Variants in RASAL2 observed in about 807,000 individuals in gnomAD.
The protein encoded by RASAL2 is RAS protein activator like 2, also known as ras GTPase-activating protein nGAP.
In RASAL2, 58 loss-of-function variants were observed where a neutral mutation model predicts 128.9. That is an observed-to-expected ratio of 0.45 (90% CI 0.36 to 0.56). The LOEUF (loss-of-function observed/expected upper bound fraction) is 0.56. RASAL2 is among the 20% of genes least tolerant of loss of function. The pLI, the probability that RASAL2 is intolerant of heterozygous loss-of-function variation, is 0.00. For missense variants in RASAL2, 1,360 were observed against 1,601.6 expected, an observed-to-expected ratio of 0.85 and a Z score of 2.57; for synonymous variants, 561 against 580.8, an observed-to-expected ratio of 0.97 and a Z score of 0.49.
chr1:178,189,966 G>A (rs1662432678), intron 1 of RASAL2, among the ~76,000 whole-genome samples: 1 of 152,060 alleles, frequency 6.6e-6, no homozygotes, highest in African/African-American at 2.4e-5. Context: ...TTCTCAACTG[G>A]GGGCATGCTG....
At chr1:178,290,297 A>G (rs966393316) in intron 2 of RASAL2, among the ~76,000 whole-genome samples, 2 of 152,202 alleles carry the variant, frequency 1.3e-5, no homozygotes, top group African/African-American at 4.8e-5. Flanking sequence ...CTGAATGTCT[A>G]TTTCCTTAAT....
At chr1:178,173,247 C>T (rs1371729989) in intron 1 of RASAL2, among the ~76,000 whole-genome samples, 1 of 152,030 alleles carries the variant, frequency 6.6e-6, no homozygotes, top group African/African-American at 2.4e-5. Flanking sequence ...CTATTTTGAA[C>T]CACTGCCCTG....
chr1:178,113,048 A>G (rs1558060090), intron 1 of RASAL2, among the ~76,000 whole-genome samples: 1 of 152,310 alleles, frequency 6.6e-6, no homozygotes, highest in East Asian at 1.9e-4. Context: ...GTGGTAAAGA[A>G]TAAGAATTGA....
At chr1:178,408,968 GAAGA>G (rs779290419) in intron 4 of RASAL2, among the ~76,000 whole-genome samples, 4 of 152,182 alleles carry the variant, frequency 2.6e-5, no homozygotes, top group Non-Finnish European at 4.4e-5. Flanking sequence ...GGTAATTTAT[GAAGA>G]GAGAGGTTTG....
At chr1:178,199,789 C>T (rs316272) in intron 1 of RASAL2, among the ~76,000 whole-genome samples, 152,153 of 152,304 alleles carry the variant, frequency 1, 76,001 homozygotes, top group Middle Eastern at 1. Context: ...CAGGTCTATC[C>T]GTGAGGGTGT....
intron 3 of RASAL2, among the ~76,000 whole-genome samples, chr1:178,310,985 T>C (rs1668218528): frequency 6.6e-6 from 1 of 152,126 alleles, no homozygotes; most frequent in African/African-American, 2.4e-5. Context: ...CAAAATGTGA[T>C]ACCCACACTA....
intron 1 of RASAL2, among the ~76,000 whole-genome samples, chr1:178,239,855 G>A (rs1014147490): frequency 4.6e-5 from 7 of 151,962 alleles, no homozygotes; most frequent in Non-Finnish European, 1.0e-4. Context: ...GGTTCTTAAA[G>A]CTTGAGCTGG....
rs1190181885 is a variant in RASAL2, at chr1:178,319,163, G to A, written c.457+19045G>A. On this transcript the variant is annotated intron_variant, in intron 3 of 17. Coordinates refer to ENST00000367649, the MANE Select transcript of RASAL2 (RefSeq NM_170692.4). The stretch of plus-strand genomic sequence containing the variant: ...TTGTAGGATTTCTGCCGAGAGATCC[G>A]CTGTTAGTCTGATGGGCTTCCCTTT... 2.5e-4 allele frequency among the ~76,000 whole-genome samples: 38 copies of A among 152,238 alleles called. 1 individual carries two copies. The highest frequency in any genetic ancestry group is 2.2e-4 in the Non-Finnish European group (15 of 68,020).
At chr1:178,360,054 A>C (rs1671026337) in intron 3 of RASAL2, among the ~76,000 whole-genome samples, 1 of 152,184 alleles carries the variant, frequency 6.6e-6, no homozygotes, top group African/African-American at 2.4e-5. Flanking sequence ...CACTGCTAGA[A>C]AGCTGATCTC....
chr1:178,251,438 AC>A (rs1436398879), intron 1 of RASAL2, among the ~76,000 whole-genome samples: 4 of 152,246 alleles, frequency 2.6e-5, no homozygotes, highest in Non-Finnish European at 2.9e-5. Flanking sequence ...AAATGTAGAT[AC>A]TTGCTGCCAC....
At chr1:178,153,254 T>G (rs753862492) in intron 1 of RASAL2, among the ~76,000 whole-genome samples, 1 of 152,148 alleles carries the variant, frequency 6.6e-6, no homozygotes, top group South Asian at 2.1e-4. Flanking sequence ...TATAGTTAGA[T>G]CCACAAGCTT....
At chr1:178,259,174 A>G (rs1030293816) in intron 1 of RASAL2, among the ~76,000 whole-genome samples, 12 of 119,290 alleles carry the variant, frequency 1.0e-4, no homozygotes, top group African/African-American at 3.4e-4. Flanking sequence ...TCTGTGGCCC[A>G]GGTGGGAGTG....
intron 4 of RASAL2, among the ~76,000 whole-genome samples, chr1:178,409,225 A>G (rs1001450051): frequency 6.6e-6 from 1 of 152,148 alleles, no homozygotes; most frequent in Non-Finnish European, 1.5e-5. Flanking sequence ...GACACACTGC[A>G]TATGATTTTT....
At chr1:178,134,339 T>TC (rs1247412870) in intron 1 of RASAL2, among the ~76,000 whole-genome samples, 1 of 151,536 alleles carries the variant, frequency 6.6e-6, no homozygotes, top group African/African-American at 2.4e-5. Context: ...GAGTGAGTAG[T>TC]CCCAGCTACT....
At chr1:178,129,049 C>T (rs957915739) in intron 1 of RASAL2, among the ~76,000 whole-genome samples, 2 of 151,944 alleles carry the variant, frequency 1.3e-5, no homozygotes, top group East Asian at 1.9e-4. Context: ...TATGAACATA[C>T]GTATGTTTTA....
intron 1 of RASAL2, among the ~76,000 whole-genome samples, chr1:178,282,111 T>C (rs974891602): frequency 6.6e-6 from 1 of 152,082 alleles, no homozygotes. Context: ...CTGTGCATAG[T>C]GCGGAGGAGA....
intron 2 of RASAL2, among the ~76,000 whole-genome samples, chr1:178,293,691 T>C (rs1667377806): frequency 6.6e-6 from 1 of 152,236 alleles, no homozygotes; most frequent in African/African-American, 2.4e-5. Flanking sequence ...CATCTCTACC[T>C]ATCATTCACT....
chr1:178,442,714 A>T lies in RASAL2; in HGVS notation c.967A>T (p.Ile323Phe), dbSNP rs753840069. Residue 323 changes from isoleucine (I) to phenylalanine (F), a missense_variant, in exon 8 of 18, where the codon ATC becomes TTC. Physicochemically the swap from Ile to Phe is conservative, Grantham distance 21. Around this residue, in one of 3 missense-constraint regions of RASAL2, gnomAD observed 617 missense variants for 714.2 expected, o/e 0.86. Transcript: ENST00000367649. ...RRAENVLRLW[I>F]IEAKDLAPKK... The stretch of plus-strand genomic sequence containing the variant: ...AGCTGAAAATGTTCTTCGTTTATGG[A>T]TCATTGAAGCCAAGGACCTTGCCCC... 1 of 1,612,888 alleles carries T rather than the reference A, an allele frequency of 6.2e-7. No individual in the cohort carries two copies. Among genetic ancestry groups the T allele is most frequent in the East Asian group, 2.2e-5 (1 of 44,860 alleles).
At chr1:178,455,962 T>C (rs1677741495) in intron 12 of RASAL2, among the ~76,000 whole-genome samples, 1 of 152,270 alleles carries the variant, frequency 6.6e-6, no homozygotes, top group Non-Finnish European at 1.5e-5. Flanking sequence ...GGGCCTGGTT[T>C]ATTCAGGATC....
Sources: allele counts gnomAD v4.1 joint callset (sites outside exome capture counted in the v4.1 genomes callset), GRCh38; gene constraint gnomAD v4.1.1; regional missense constraint gnomAD v4.1.1; transcripts MANE v1.5; gene names NCBI Gene and HGNC (gene_info 2026-07-23, HGNC 2026-07-21).